SLIT2: variants seen among roughly 807,000 people sequenced by gnomAD.
SLIT2 encodes the protein slit guidance ligand 2, also known as slit homolog 2 protein.
A neutral mutation model predicts 185.7 loss-of-function variants in SLIT2; 41 were observed. The ratio of observed to expected loss-of-function variants is 0.22; its 90% CI spans 0.17 to 0.29. The LOEUF is 0.29. Ranked by LOEUF, SLIT2 falls within the 10% of genes least tolerant of loss-of-function variation. SLIT2 has a pLI of 1.00. For synonymous variants in SLIT2, 693 were observed against 680.2 expected (o/e 1.02, Z -0.29); for missense variants, 1,571 against 1,909.0 (o/e 0.82, Z 3.30).
chr4:20,315,900 T>TCATATTTATG (rs1718534937), intron 4 of SLIT2, among the ~76,000 whole-genome samples: 1 of 152,058 alleles, frequency 6.6e-6, no homozygotes, highest in South Asian at 2.1e-4. Context: ...ACATATTAAT[T>TCATATTTATG]CATATTTATG....
At position 20,619,426 on chromosome 4, in the gene SLIT2, C is replaced by G. The variant is rs988229376; in HGVS notation, c.*417C>G. On this transcript the variant is annotated 3_prime_UTR_variant, in exon 37 of 37. Transcript: ENST00000504154. ...TTCACTAGGACATACCAAGCACATGCGTGTGAATGAGGATGCAAGGCAAGA... is the reference window on the plus strand; with the variant it reads ...TTCACTAGGACATACCAAGCACATGGGTGTGAATGAGGATGCAAGGCAAGA... 1 of 153,004 alleles carries G rather than the reference C, an allele frequency of 6.5e-6. No individual in the cohort carries two copies. The highest frequency in any genetic ancestry group is 2.4e-5 in the African/African-American group (1 of 41,392). The allele number at this position is 153,004 out of a possible 1,614,324, so 9.5% of individuals were successfully genotyped here. A position where few individuals can be genotyped will look rare whatever the true frequency, so the allele number is the denominator to read the frequency against.
intron 11 of SLIT2, among the ~76,000 whole-genome samples, chr4:20,511,908 T>A (rs1719790930): frequency 6.6e-6 from 1 of 151,972 alleles, no homozygotes; most frequent in Admixed American, 6.6e-5. Flanking sequence ...CCTAAAAGAA[T>A]AAGCTTTTAA....
intron 4 of SLIT2, among the ~76,000 whole-genome samples, chr4:20,376,613 C>A (rs1414756527): frequency 1.3e-5 from 2 of 152,010 alleles, no homozygotes; most frequent in African/African-American, 4.8e-5. Context: ...TTAGCCCCTG[C>A]AAGAGACCTT....
At position 20,406,644 on chromosome 4, in the gene SLIT2, A is replaced by G. The variant is rs992750368; in HGVS notation, c.396-61108A>G. Among the ~76,000 whole-genome samples the G allele has an allele frequency of 1.9e-4, 28 of 144,664 alleles. 5 individuals are homozygous for G. Among genetic ancestry groups the G allele is most frequent in the Non-Finnish European group, 4.0e-4 (26 of 64,850 alleles). 94.9% of individuals were successfully genotyped at this position (144,664 alleles called of 152,430 possible). A position where few individuals can be genotyped will look rare whatever the true frequency, so the allele number is the denominator to read the frequency against. ...TATGACTATTAAAACTTTCTTAAAA[A>G]ATAAACTGACAGCACCAGTGTTAGA... On this transcript the variant is annotated intron_variant, in intron 4 of 36. Coordinates refer to ENST00000504154, the MANE Select transcript of SLIT2 (RefSeq NM_004787.4).
At chr4:20,356,510 C>T (rs1387095002) in intron 4 of SLIT2, among the ~76,000 whole-genome samples, 1 of 152,082 alleles carries the variant, frequency 6.6e-6, no homozygotes, top group Non-Finnish European at 1.5e-5. Flanking sequence ...AAAGTGAATG[C>T]TTTATTCACA....
chr4:20,253,374 C>T lies in SLIT2; in HGVS notation c.-442C>T, dbSNP rs894947307. On this transcript the variant is annotated 5_prime_UTR_variant, in exon 1 of 37. Transcript: ENST00000504154. ...GATCCCCTCTTCTGTCTTGTACCTT[C>T]GCCACTGGCATCGGATTTGCAGAAG... 1.1e-4 allele frequency: 20 copies of T among 186,016 alleles called. No homozygotes were observed. The highest frequency in any genetic ancestry group is 1.1e-4 in the Non-Finnish European group (10 of 88,934). The allele number at this position is 186,016 out of a possible 1,614,324, so 11.5% of individuals were successfully genotyped here.
At chr4:20,415,109 A>G (rs925354734) in intron 4 of SLIT2, among the ~76,000 whole-genome samples, 1 of 152,204 alleles carries the variant, frequency 6.6e-6, no homozygotes, top group African/African-American at 2.4e-5. Context: ...TTTGTTTCAG[A>G]TAATAAAAAG....
intron 4 of SLIT2, among the ~76,000 whole-genome samples, chr4:20,428,945 G>A (rs1728759776): frequency 2.0e-5 from 3 of 152,246 alleles, no homozygotes; most frequent in Admixed American, 1.3e-4. Context: ...CCTGAGAGCT[G>A]CTGGCCAGCA....
chr4:20,314,282 G>A (rs879863828), intron 4 of SLIT2, among the ~76,000 whole-genome samples: 2 of 152,124 alleles, frequency 1.3e-5, no homozygotes, highest in Non-Finnish European at 2.9e-5. Context: ...GATCTGATAA[G>A]GATTAGAAAC....
chr4:20,536,804 ATTATTCTTTTCT>A (rs1356877107), intron 18 of SLIT2, among the ~76,000 whole-genome samples: 2 of 151,596 alleles, frequency 1.3e-5, no homozygotes, highest in African/African-American at 2.4e-5. Flanking sequence ...TTTATTTTCT[ATTATTCTTTTCT>A]TTATTCTTTT....
intron 14 of SLIT2, among the ~76,000 whole-genome samples, 184 bp from the exon 15 acceptor site, chr4:20,524,965 A>T (rs1309163086): frequency 6.6e-6 from 1 of 152,166 alleles, no homozygotes; most frequent in Non-Finnish European, 1.5e-5. Context: ...CAAGCTGGTT[A>T]TTGTCCATAA....
chr4:20,368,375 A>G (rs953558152), intron 4 of SLIT2, among the ~76,000 whole-genome samples: 2 of 151,772 alleles, frequency 1.3e-5, no homozygotes, highest in African/African-American at 4.8e-5. Context: ...ACAAAACAAA[A>G]CAAAAAAAAG....
At chr4:20,312,841 T>C (rs1718246164) in intron 4 of SLIT2, among the ~76,000 whole-genome samples, 2 of 151,896 alleles carry the variant, frequency 1.3e-5, no homozygotes, top group African/African-American at 4.8e-5. Flanking sequence ...ATTGATATTT[T>C]AGTCCTTCTT....
chr4:20,451,586 A>G (rs1712485441), intron 4 of SLIT2, among the ~76,000 whole-genome samples: 1 of 152,266 alleles, frequency 6.6e-6, no homozygotes, highest in Non-Finnish European at 1.5e-5. Context: ...TCTCAAAAAG[A>G]TATACTGAGA....
chr4:20,611,708 A>G (rs1046780301), intron 34 of SLIT2, among the ~76,000 whole-genome samples: 23 of 152,234 alleles, frequency 1.5e-4, no homozygotes, highest in African/African-American at 4.6e-4. Flanking sequence ...AATTATATTT[A>G]TTGAGCACAT....
intron 23 of SLIT2, 115 bp downstream of exon 23, chr4:20,548,674 A>T (rs983459775): frequency 2.9e-6 from 2 of 686,992 alleles, no homozygotes; most frequent in Non-Finnish European, 5.2e-6. Context: ...GAATGTTTCT[A>T]TTGGGAGAAA....
intron 29 of SLIT2, among the ~76,000 whole-genome samples, chr4:20,587,152 G>A (rs943123949): frequency 2.2e-4 from 34 of 151,786 alleles, no homozygotes; most frequent in Non-Finnish European, 4.0e-4. Flanking sequence ...CCGAGTAGCT[G>A]GGATTACAGG....
At chr4:20,524,466 A>C (rs1363627154) in intron 14 of SLIT2, among the ~76,000 whole-genome samples, 1 of 152,224 alleles carries the variant, frequency 6.6e-6, no homozygotes, top group Non-Finnish European at 1.5e-5. Flanking sequence ...CCAGAGCCTT[A>C]TAGCTAACTC....
intron 12 of SLIT2, among the ~76,000 whole-genome samples, chr4:20,520,752 T>C (rs759499524): frequency 1.3e-5 from 2 of 152,154 alleles, no homozygotes; most frequent in East Asian, 3.8e-4. Flanking sequence ...ATGAACCTTA[T>C]TATATGTAGT....
Sources: allele counts gnomAD v4.1 joint callset (sites outside exome capture counted in the v4.1 genomes callset), GRCh38; gene constraint gnomAD v4.1.1; transcripts MANE v1.5; gene names NCBI Gene and HGNC (gene_info 2026-07-23, HGNC 2026-07-21).